Variants in UNC13C observed in about 807,000 individuals in gnomAD.
UNC13C encodes the protein unc-13 homolog C, also known as protein unc-13 homolog C.
A neutral mutation model predicts 245.4 loss-of-function variants in UNC13C; 174 were observed. That is an observed-to-expected ratio of 0.71 (90% CI 0.63 to 0.80). The LOEUF is 0.80. UNC13C is among the 30% of genes least tolerant of loss of function. The probability of loss-of-function intolerance (pLI) is 0.00; values close to 1 mark genes in which losing one functional copy is unlikely to be tolerated. For missense variants in UNC13C, 2,829 were observed against 2,602.9 expected (o/e 1.09, Z -1.89); for synonymous variants, 992 against 895.1 (o/e 1.11, Z -1.93).
chr15:54,196,005 C>CAAACTTATGAACACTGT (rs2034341121), intron 4 of UNC13C, among the ~76,000 whole-genome samples: 1 of 151,950 alleles, frequency 6.6e-6, no homozygotes, highest in Non-Finnish European at 1.5e-5. Flanking sequence ...TATCTGTGAC[C>CAAACTTATGAACACTGT]ATCTTTATCT....
At chr15:53,921,649 A>G in the UNC13C span, among the ~76,000 whole-genome samples, 88 of 152,328 alleles carry the variant, frequency 5.8e-4, no homozygotes, top group South Asian at 0.018. Context: ...TTGAGCTGTT[A>G]AAGACTCAAA....
chr15:54,108,232 G>A (rs543641919), intron 2 of UNC13C, among the ~76,000 whole-genome samples: 1 of 152,068 alleles, frequency 6.6e-6, no homozygotes, highest in African/African-American at 2.4e-5. Context: ...TGTCGCCCAG[G>A]CTGGAGTGCA....
chr15:54,021,650 G>A (rs935246409), intron 2 of UNC13C, among the ~76,000 whole-genome samples: 1 of 152,150 alleles, frequency 6.6e-6, no homozygotes, highest in Non-Finnish European at 1.5e-5. Flanking sequence ...AGTAAACATG[G>A]AAGTGCAGCT....
intron 26 of UNC13C, among the ~76,000 whole-genome samples, chr15:54,536,535 A>G (rs1895988074): frequency 6.6e-6 from 1 of 152,108 alleles, no homozygotes; most frequent in African/African-American, 2.4e-5. Flanking sequence ...ACAAAAAAGG[A>G]AAACTTCAGG....
the UNC13C span, among the ~76,000 whole-genome samples, chr15:53,842,423 C>G: frequency 2.6e-5 from 4 of 152,116 alleles, no homozygotes; most frequent in African/African-American, 9.7e-5. Flanking sequence ...TCAGATAGGG[C>G]TGACAATGTC....
intron 30 of UNC13C, among the ~76,000 whole-genome samples, chr15:54,591,613 T>G (rs1406756182): frequency 2.0e-5 from 3 of 152,158 alleles, no homozygotes; most frequent in Non-Finnish European, 2.9e-5. Context: ...TCTTTTGTAC[T>G]TCAGTCATGT....
At chr15:54,614,386 G>T (rs1369114146) in intron 30 of UNC13C, among the ~76,000 whole-genome samples, 2 of 151,824 alleles carry the variant, frequency 1.3e-5, no homozygotes, top group East Asian at 3.9e-4. Context: ...CAAAGAATTT[G>T]AATCTCTTTG....
At chr15:54,212,878 A>G (rs1439655248) in intron 4 of UNC13C, among the ~76,000 whole-genome samples, 2 of 152,094 alleles carry the variant, frequency 1.3e-5, no homozygotes, top group African/African-American at 4.8e-5. Context: ...TGCAAGGCAT[A>G]CCCATTAGGA....
the UNC13C span, among the ~76,000 whole-genome samples, chr15:53,863,937 T>G: frequency 2.6e-5 from 4 of 152,150 alleles, no homozygotes; most frequent in African/African-American, 4.8e-5. Context: ...AGTGGTGAGG[T>G]TACTCACCAC....
At chr15:54,214,562 G>A (rs999480658) in intron 4 of UNC13C, among the ~76,000 whole-genome samples, 1 of 151,900 alleles carries the variant, frequency 6.6e-6, no homozygotes, top group African/African-American at 2.4e-5. Context: ...AGTGATAGAA[G>A]AGGGATTATT....
rs151061537 is a variant in UNC13C, at chr15:54,115,221, T to C, written c.2984-27797T>C. On this transcript the variant is annotated intron_variant, in intron 2 of 32. Coordinates refer to ENST00000260323, the MANE Select transcript of UNC13C (RefSeq NM_001080534.3). The stretch of plus-strand genomic sequence containing the variant: ...GTTATACATATACTTACATATTTCC[T>C]ACATTTTCAAATGAATTTTAGAAGA... 5.1e-3 allele frequency among the ~76,000 whole-genome samples: 773 copies of C among 152,290 alleles called. 9 individuals are homozygous for C. The highest frequency in any genetic ancestry group is 0.018 in the African/African-American group (749 of 41,584).
rs568567849 is a variant in UNC13C, at chr15:54,499,821, T to C, written c.5061-258T>C. ...CAAGAGTTTGAATTTTGAAGGGAATTACAGAGTAACTGTTGGAAACTAAGC... is the reference window on the plus strand; with the variant it reads ...CAAGAGTTTGAATTTTGAAGGGAATCACAGAGTAACTGTTGGAAACTAAGC... On this transcript the variant is annotated intron_variant, in intron 20 of 32. Coordinates refer to ENST00000260323, the MANE Select transcript of UNC13C (RefSeq NM_001080534.3). Among the ~76,000 whole-genome samples, 6 of 152,202 alleles carry C rather than the reference T, an allele frequency of 3.9e-5. No homozygotes were observed. The South Asian group carries it at 1.2e-3, about 32-fold the overall frequency.
At chr15:54,180,027 T>C (rs2033745254) in intron 4 of UNC13C, among the ~76,000 whole-genome samples, 1 of 152,112 alleles carries the variant, frequency 6.6e-6, no homozygotes, top group East Asian at 1.9e-4. Flanking sequence ...GACTTTATTT[T>C]ACTTTCAGGG....
intron 4 of UNC13C, among the ~76,000 whole-genome samples, chr15:54,144,092 A>G (rs545702749): frequency 2.6e-5 from 4 of 152,286 alleles, no homozygotes; most frequent in Admixed American, 1.3e-4. Flanking sequence ...AATATAATCT[A>G]TACTATTATT....
the UNC13C span, among the ~76,000 whole-genome samples, chr15:53,849,634 C>T: frequency 6.6e-6 from 1 of 151,512 alleles, no homozygotes; most frequent in South Asian, 2.1e-4. Context: ...AAAAATATTT[C>T]TTCTTATTGC....
chr15:54,143,401 G>T (rs997877614), intron 3 of UNC13C, among the ~76,000 whole-genome samples: 3 of 152,066 alleles, frequency 2.0e-5, no homozygotes, highest in Non-Finnish European at 4.4e-5. Flanking sequence ...ATATTTTCCG[G>T]GACTCTGCCA....
chr15:54,633,224 C>T (rs1424412950), downstream of UNC13C: 1 of 152,002 alleles, frequency 6.6e-6, no homozygotes, highest in African/African-American at 2.4e-5. Flanking sequence ...ATCCATACAC[C>T]AATTTACAAA....
At chr15:54,006,861 C>G (rs1024223006) in intron 1 of UNC13C, among the ~76,000 whole-genome samples, 3 of 152,070 alleles carry the variant, frequency 2.0e-5, no homozygotes, top group African/African-American at 4.8e-5. Context: ...TTTGGAGGAG[C>G]CTGCTTATAA....
At chr15:54,280,089 G>A (rs994513663) in intron 10 of UNC13C, among the ~76,000 whole-genome samples, 9 of 152,032 alleles carry the variant, frequency 5.9e-5, no homozygotes, top group African/African-American at 2.2e-4. Context: ...ATCTAGCAAA[G>A]CTACTTTTAA....
Sources: gnomAD v4.1 joint callset for allele counts (sites outside exome capture counted in the v4.1 genomes callset) on GRCh38, gnomAD v4.1.1 for gene constraint, MANE v1.5 for transcripts, NCBI Gene and HGNC (gene_info 2026-07-23, HGNC 2026-07-21) for gene names.